VSTM2L: variants seen among roughly 807,000 people sequenced by gnomAD.
The protein encoded by VSTM2L is V-set and transmembrane domain containing 2 like.
A neutral mutation model predicts 19.9 loss-of-function variants in VSTM2L; 9 were observed. The observed-to-expected ratio is 0.45, with a 90% confidence interval of 0.27 to 0.79. The LOEUF is 0.79. Among genes scored for constraint, VSTM2L ranks in the 30% least tolerant of loss-of-function variants. The pLI, the probability that VSTM2L is intolerant of heterozygous loss-of-function variation, is 0.15. For synonymous variants in VSTM2L, 127 were observed against 133.8 expected (o/e 0.95, Z 0.35); for missense variants, 286 against 295.5 (o/e 0.97, Z 0.24).
chr20:37,944,311 C>T lies in VSTM2L; in HGVS notation c.*58C>T, dbSNP rs909641533. On this transcript the variant is annotated 3_prime_UTR_variant, in exon 4 of 4. Transcript: ENST00000373461. Reference sequence around the variant, plus strand: ...ACGCTGTACAGAGTGCATGAGGAGCCGCCGGACCACCGGGGACCGACTGCC... The same window carrying T: ...ACGCTGTACAGAGTGCATGAGGAGCTGCCGGACCACCGGGGACCGACTGCC... 118 of 1,371,222 alleles carry T rather than the reference C, an allele frequency of 8.6e-5. No individual in the cohort carries two copies. The highest frequency in any genetic ancestry group is 9.9e-5 in the Non-Finnish European group (104 of 1,051,718). The allele number at this position is 1,371,222 out of a possible 1,614,324, so 84.9% of individuals were successfully genotyped here. A position where few individuals can be genotyped will look rare whatever the true frequency, so the allele number is the denominator to read the frequency against.
chr20:37,903,259 A>G lies in VSTM2L; in HGVS notation c.-92A>G. ...GGGCAGCTGCCGGAGCCGGGCAGCCAGGCCGCTCAGGGCAGGGGACAGCTG... is the reference window on the plus strand; with the variant it reads ...GGGCAGCTGCCGGAGCCGGGCAGCCGGGCCGCTCAGGGCAGGGGACAGCTG... On this transcript the variant is annotated 5_prime_UTR_variant, in exon 1 of 4. Transcript: ENST00000373461. 1 of 1,245,876 alleles carries G rather than the reference A, an allele frequency of 8.0e-7. No individual in the cohort carries two copies. Among genetic ancestry groups the G allele is most frequent in the Non-Finnish European group, 1.0e-6 (1 of 993,712 alleles). The allele number at this position is 1,245,876 out of a possible 1,614,324, so 77.2% of individuals were successfully genotyped here.
intron 1 of VSTM2L, among the ~76,000 whole-genome samples, chr20:37,922,504 T>G (rs1436860193): frequency 6.6e-6 from 1 of 152,088 alleles, no homozygotes; most frequent in Non-Finnish European, 1.5e-5. Context: ...GCCACGTTGG[T>G]TCTCACTGTG....
At chr20:37,908,324 C>T (rs775306038) in intron 1 of VSTM2L, among the ~76,000 whole-genome samples, 10 of 152,114 alleles carry the variant, frequency 6.6e-5, no homozygotes, top group Non-Finnish European at 1.2e-4. Flanking sequence ...GGTAAGTGAC[C>T]CCTTCTGATC....
intron 1 of VSTM2L, among the ~76,000 whole-genome samples, chr20:37,904,395 C>T (rs557488269): frequency 2.6e-5 from 4 of 152,350 alleles, no homozygotes; most frequent in South Asian, 2.1e-4. Context: ...CTGTGGAAGC[C>T]GGGGAGCAGA....
In VSTM2L at chr20:37,945,289, C is replaced by T. The variant is rs1271148563; in HGVS notation, c.*1036C>T. 3 of 985,152 alleles carry T rather than the reference C, an allele frequency of 3.0e-6. No individual in the cohort carries two copies. Among genetic ancestry groups the T allele is most frequent in the Non-Finnish European group, 3.6e-6 (3 of 829,828 alleles). 61.0% of individuals were successfully genotyped at this position (985,152 alleles called of 1,614,324 possible). On this transcript the variant is annotated 3_prime_UTR_variant, in exon 4 of 4. Coordinates refer to ENST00000373461, the MANE Select transcript of VSTM2L (RefSeq NM_080607.3). Reference sequence around the variant, plus strand: ...GAGGGCTTTGCCTAGGGGTGGGTTGCCCTGTATACATGATCCAGTCTGTGA... The same window carrying T: ...GAGGGCTTTGCCTAGGGGTGGGTTGTCCTGTATACATGATCCAGTCTGTGA...
Position 37,945,239 on chromosome 20 carries a change from T to G in VSTM2L, c.*986T>G. ...ACCTCTGGCTGCCGCAGCTCAGTGATGACGTGGGGGAGGTGGGAGAGGCCG... is the reference window on the plus strand; with the variant it reads ...ACCTCTGGCTGCCGCAGCTCAGTGAGGACGTGGGGGAGGTGGGAGAGGCCG... On this transcript the variant is annotated 3_prime_UTR_variant, in exon 4 of 4. Coordinates refer to ENST00000373461, the MANE Select transcript of VSTM2L (RefSeq NM_080607.3). 2.0e-6 allele frequency: 2 copies of G among 985,512 alleles called. No individual in the cohort carries two copies. The highest frequency in any genetic ancestry group is 2.4e-6 in the Non-Finnish European group (2 of 830,022). The allele number at this position is 985,512 out of a possible 1,614,324, so 61.0% of individuals were successfully genotyped here.
chr20:37,938,659 C>G (rs1424502191), intron 3 of VSTM2L, among the ~76,000 whole-genome samples: 1 of 152,244 alleles, frequency 6.6e-6, no homozygotes, highest in Non-Finnish European at 1.5e-5. Context: ...TCGGCCTTGT[C>G]TCTTTCAGCG....
At chr20:37,924,863 C>T (rs182262385) in intron 1 of VSTM2L, among the ~76,000 whole-genome samples, 14 of 152,194 alleles carry the variant, frequency 9.2e-5, no homozygotes, top group South Asian at 4.2e-4. Context: ...AAGTGGGATG[C>T]GGAAGTGTGG....
At chr20:37,935,309 A>G (rs1421112353) in intron 3 of VSTM2L, among the ~76,000 whole-genome samples, 4 of 152,228 alleles carry the variant, frequency 2.6e-5, no homozygotes, top group Non-Finnish European at 4.4e-5. Flanking sequence ...GGCATGGGCC[A>G]AGCTCCTCGT....
At chr20:37,925,491 T>A (rs2072874626) in intron 1 of VSTM2L, among the ~76,000 whole-genome samples, 1 of 151,786 alleles carries the variant, frequency 6.6e-6, no homozygotes, top group African/African-American at 2.4e-5. Context: ...TCCCGGCACT[T>A]ACCTACGTCC....
intron 1 of VSTM2L, among the ~76,000 whole-genome samples, chr20:37,910,996 G>A (rs1263096599): frequency 6.6e-6 from 1 of 151,716 alleles, no homozygotes; most frequent in Non-Finnish European, 1.5e-5. Context: ...GCTGGGGCCG[G>A]GCGCAGTGGC....
intron 1 of VSTM2L, among the ~76,000 whole-genome samples, chr20:37,912,008 C>T (rs1405385863): frequency 1.3e-5 from 2 of 152,204 alleles, no homozygotes; most frequent in Non-Finnish European, 2.9e-5. Flanking sequence ...GCGGACCAAA[C>T]AGCAGCCAGC....
In VSTM2L at chr20:37,923,476, C is replaced by A. The variant is rs140852918; in HGVS notation, c.122-8159C>A. Among the ~76,000 whole-genome samples, 3 of 152,368 alleles carry A rather than the reference C, an allele frequency of 2.0e-5. No homozygotes were observed. In the East Asian group the frequency reaches 5.8e-4, roughly 29 times the overall value. On this transcript the variant is annotated intron_variant, in intron 1 of 3. Transcript: ENST00000373461. ...TTCAATCAAGTCCCATTCTCCTTCT[C>A]CTGCAGAATCCTAATTTGTGGACAC...
At chr20:37,927,248 A>G (rs1334353254) in intron 1 of VSTM2L, among the ~76,000 whole-genome samples, 1 of 152,268 alleles carries the variant, frequency 6.6e-6, no homozygotes, top group African/African-American at 2.4e-5. Context: ...TACAGGCATG[A>G]GCCACCGTGC....
intron 1 of VSTM2L, among the ~76,000 whole-genome samples, chr20:37,911,384 G>C (rs2072778806): frequency 6.6e-6 from 1 of 152,176 alleles, no homozygotes; most frequent in Non-Finnish European, 1.5e-5. Flanking sequence ...TTATTAGCTG[G>C]GGATATTAGT....
At chr20:37,935,611 C>G (rs1421225871) in intron 3 of VSTM2L, among the ~76,000 whole-genome samples, 1 of 152,162 alleles carries the variant, frequency 6.6e-6, no homozygotes, top group Non-Finnish European at 1.5e-5. Flanking sequence ...GGGGAAGCGT[C>G]CCTTGAACTT....
chr20:37,943,221 C>T (rs576370667), intron 3 of VSTM2L, among the ~76,000 whole-genome samples: 52 of 152,130 alleles, frequency 3.4e-4, no homozygotes, highest in African/African-American at 1.3e-3. Flanking sequence ...TCAAGTGATC[C>T]GCCTCCCTCG....
intron 3 of VSTM2L, among the ~76,000 whole-genome samples, chr20:37,942,731 C>A (rs1013144281): frequency 6.6e-6 from 1 of 152,186 alleles, no homozygotes; most frequent in Non-Finnish European, 1.5e-5. Context: ...CACAGGTGTA[C>A]ACACAGGAAA....
chr20:37,923,618 A>G (rs1344078028), intron 1 of VSTM2L, among the ~76,000 whole-genome samples: 1 of 152,180 alleles, frequency 6.6e-6, no homozygotes, highest in East Asian at 1.9e-4. Flanking sequence ...GACTGGCTGC[A>G]AGGAGTTACC....
Sources: gnomAD v4.1 joint callset for allele counts (sites outside exome capture counted in the v4.1 genomes callset) on GRCh38, gnomAD v4.1.1 for gene constraint, MANE v1.5 for transcripts, NCBI Gene and HGNC (gene_info 2026-07-23, HGNC 2026-07-21) for gene names.